The following DOCK8 variants were observed in gnomAD, a reference collection of about 807,000 sequenced individuals.
DOCK8 encodes the protein dedicator of cytokinesis protein 8.
DOCK8 carries 141 observed loss-of-function variants against 245.6 expected under a neutral mutation model. That is an observed-to-expected ratio of 0.57 (90% CI 0.50 to 0.66). DOCK8 has a LOEUF of 0.66. Among genes scored for constraint, DOCK8 ranks in the 30% least tolerant of loss-of-function variants. The pLI, the probability that DOCK8 is intolerant of heterozygous loss-of-function variation, is 0.00. For missense variants in DOCK8, 2,965 were observed against 2,603.4 expected, an observed-to-expected ratio of 1.14 and a Z score of -3.02; for synonymous variants, 1,168 against 970.2, an observed-to-expected ratio of 1.20 and a Z score of -3.79.
chr9:334,403 G>C lies in DOCK8; in HGVS notation c.1285+19G>C. 6.2e-7 allele frequency: 1 copy of C among 1,610,430 alleles called. No homozygotes were observed. Among genetic ancestry groups the C allele is most frequent in the East Asian group, 2.2e-5 (1 of 44,800 alleles). ...GTGGTTGGTAAGATTTTCACCTGCA[G>C]TGGGAAAGGGAGGGCTCCCCAGTGT... On this transcript the variant is annotated intron_variant, in intron 11 of 47. Coordinates refer to ENST00000432829, the MANE Select transcript of DOCK8 (RefSeq NM_203447.4).
intron 11 of DOCK8, 108 bp downstream of exon 11, chr9:334,492 G>T (rs2051214368): frequency 2.5e-6 from 3 of 1,186,302 alleles, no homozygotes; most frequent in Non-Finnish European, 3.6e-6. Context: ...GGGAAGTGGG[G>T]AGGCAGAAGG....
intron 28 of DOCK8, among the ~76,000 whole-genome samples, chr9:411,281 C>T (rs568243390): frequency 7.2e-5 from 11 of 152,024 alleles, no homozygotes; most frequent in Admixed American, 3.3e-4. Flanking sequence ...GGTGTGGTGG[C>T]GGGAACCTGT....
intron 1 of DOCK8, among the ~76,000 whole-genome samples, chr9:244,676 G>A (rs2047464175): frequency 6.6e-6 from 1 of 152,158 alleles, no homozygotes; most frequent in African/African-American, 2.4e-5. Context: ...ATAAATGAAT[G>A]TGGCCAAACC....
intron 39 of DOCK8, among the ~76,000 whole-genome samples, chr9:436,013 T>G (rs1012022278): frequency 6.6e-6 from 1 of 152,250 alleles, no homozygotes; most frequent in Non-Finnish European, 1.5e-5. Flanking sequence ...TTCTTGTTAT[T>G]GTTCTTCAAC....
At chr9:250,595 C>G (rs1044263996) in intron 1 of DOCK8, among the ~76,000 whole-genome samples, 13 of 152,128 alleles carry the variant, frequency 8.5e-5, no homozygotes, top group Admixed American at 1.3e-4. Context: ...CGGAACCTTC[C>G]ACACTCAATT....
chr9:262,808 A>G (rs1164265930), intron 1 of DOCK8, among the ~76,000 whole-genome samples: 4 of 152,220 alleles, frequency 2.6e-5, no homozygotes. Flanking sequence ...ATTATACTCA[A>G]TCTGTTTTTA....
intron 14 of DOCK8, among the ~76,000 whole-genome samples, chr9:360,345 A>C (rs2052666287): frequency 6.6e-6 from 1 of 151,912 alleles, no homozygotes; most frequent in Non-Finnish European, 1.5e-5. Context: ...AAAGAATAAA[A>C]TAGAAACACT....
intron 16 of DOCK8, 125 bp from the exon 17 acceptor site, chr9:371,303 T>C (rs1024471000): frequency 1.8e-6 from 2 of 1,081,286 alleles, no homozygotes; most frequent in Non-Finnish European, 2.8e-6. Context: ...CAGAGCAGAG[T>C]AATGTAAAAT....
At chr9:386,241 A>G in intron 22 of DOCK8, 90 bp from the exon 23 acceptor site, 1 of 1,126,970 alleles carries the variant, frequency 8.9e-7, no homozygotes, top group Non-Finnish European at 1.3e-6. Flanking sequence ...AATATGTATA[A>G]AAAAATGAAT....
At chr9:388,989 C>A (rs1287225727) in intron 23 of DOCK8, among the ~76,000 whole-genome samples, 1 of 152,078 alleles carries the variant, frequency 6.6e-6, no homozygotes, top group Admixed American at 6.5e-5. Flanking sequence ...GCTTTCTTAC[C>A]TACTTTCTTA....
intron 1 of DOCK8, among the ~76,000 whole-genome samples, chr9:264,229 G>T (rs1241375161): frequency 6.6e-6 from 1 of 152,230 alleles, no homozygotes; most frequent in African/African-American, 2.4e-5. Context: ...ACATATAAAA[G>T]CTGGGGAGAG....
chr9:271,296 T>G (rs2048159220), intron 1 of DOCK8, among the ~76,000 whole-genome samples: 1 of 152,208 alleles, frequency 6.6e-6, no homozygotes, highest in Non-Finnish European at 1.5e-5. Context: ...CATCCTCACA[T>G]AGAGAAAACT....
At chr9:255,861 C>T (rs766684348) in intron 1 of DOCK8, among the ~76,000 whole-genome samples, 1 of 151,878 alleles carries the variant, frequency 6.6e-6, no homozygotes, top group African/African-American at 2.4e-5. Flanking sequence ...ATACCTCTTC[C>T]CCTCAAAATT....
intron 43 of DOCK8, among the ~76,000 whole-genome samples, chr9:444,380 G>C (rs115383542): frequency 0.015 from 2,123 of 139,470 alleles, 42 homozygotes; most frequent in African/African-American, 0.051. Flanking sequence ...GAGTTTCTAT[G>C]ATACCTGTTA....
At chr9:411,241 C>T (rs554675166) in intron 28 of DOCK8, among the ~76,000 whole-genome samples, 7 of 152,088 alleles carry the variant, frequency 4.6e-5, no homozygotes, top group Non-Finnish European at 7.4e-5. Flanking sequence ...GATGAAACCC[C>T]GTCTCTACTA....
At chr9:310,607 G>C (rs140090550) in intron 5 of DOCK8, among the ~76,000 whole-genome samples, 166 of 152,220 alleles carry the variant, frequency 1.1e-3, no homozygotes, top group African/African-American at 3.9e-3. Context: ...TATAGGCACT[G>C]GCCACCATGC....
chr9:246,948 A>T (rs2047519698), intron 1 of DOCK8, among the ~76,000 whole-genome samples: 1 of 152,134 alleles, frequency 6.6e-6, no homozygotes, highest in African/African-American at 2.4e-5. Context: ...ATCATCTGCA[A>T]GTTCAAGGAA....
chr9:302,004 C>T (rs903078995), intron 4 of DOCK8, among the ~76,000 whole-genome samples: 1 of 151,860 alleles, frequency 6.6e-6, no homozygotes, highest in Non-Finnish European at 1.5e-5. Flanking sequence ...AAAACCTATT[C>T]CAAAATTCAT....
intron 28 of DOCK8, among the ~76,000 whole-genome samples, chr9:411,225 C>T (rs1382270017): frequency 6.6e-6 from 1 of 152,080 alleles, no homozygotes; most frequent in Non-Finnish European, 1.5e-5. Context: ...CCAGCCTGGC[C>T]AAGGTGATGA....
Sources: gnomAD v4.1 joint callset for allele counts (sites outside exome capture counted in the v4.1 genomes callset) on GRCh38, gnomAD v4.1.1 for gene constraint, MANE v1.5 for transcripts, NCBI Gene and HGNC (gene_info 2026-07-23, HGNC 2026-07-21) for gene names.